AKR1C3: variants seen among roughly 807,000 people sequenced by gnomAD.
AKR1C3 encodes 3-alpha hydroxysteroid dehydrogenase, type II.
Under a neutral mutation model 43.6 loss-of-function variants are expected in AKR1C3, and 48 were observed. The observed-to-expected ratio is 1.10, with a 90% CI of 0.87 to 1.40. The LOEUF (loss-of-function observed/expected upper bound fraction) is 1.40, where lower values mean the gene tolerates loss of function less well. Among genes scored for constraint, AKR1C3 ranks in the 40% most tolerant of loss-of-function variants. The probability of loss-of-function intolerance (pLI) is 0.00; values close to 1 mark genes in which losing one functional copy is unlikely to be tolerated. For missense variants in AKR1C3, 482 were observed against 391.2 expected (o/e 1.23, Z -1.96); for synonymous variants, 162 against 139.6 (o/e 1.16, Z -1.13).
intron 1 of AKR1C3, among the ~76,000 whole-genome samples, chr10:5,079,511 C>T (rs554796930): frequency 2.0e-5 from 3 of 150,660 alleles, no homozygotes; most frequent in Middle Eastern, 3.4e-3. Flanking sequence ...ACCTTATCTG[C>T]CTAATTGGAT....
intron 1 of AKR1C3, among the ~76,000 whole-genome samples, chr10:5,061,933 T>C (rs1215073723): frequency 1.3e-5 from 2 of 152,188 alleles, no homozygotes; most frequent in Non-Finnish European, 2.9e-5. Context: ...ATACATCTAA[T>C]AAAGCAAACT....
chr10:5,101,308 A>G (rs1219972572), intron 5 of AKR1C3, among the ~76,000 whole-genome samples: 1 of 152,188 alleles, frequency 6.6e-6, no homozygotes, highest in East Asian at 1.9e-4. Flanking sequence ...ATACTTTTGT[A>G]TTTAATGGTT....
In AKR1C3 at chr10:5,094,451, T is replaced by C; in HGVS notation, c.7T>C (p.Ser3Pro). 1 of 1,612,280 alleles carries C rather than the reference T, an allele frequency of 6.2e-7. No individual in the cohort carries two copies. The highest frequency in any genetic ancestry group is 8.5e-7 in the Non-Finnish European group (1 of 1,178,644). ...GTCAGACAAGTGACAGGGAATGGAT[T>C]CCAAACACCAGTGTGTAAAGCTAAA... MD[S>P]KHQCVKLNDG... Residue 3 changes from serine to proline, a missense_variant, in exon 1 of 9, where the codon TCC (serine) becomes CCC (proline). Transcript: ENST00000380554.
intron 1 of AKR1C3, among the ~76,000 whole-genome samples, chr10:5,077,467 T>G (rs1045031785): frequency 6.6e-5 from 10 of 152,178 alleles, no homozygotes; most frequent in African/African-American, 2.2e-4. Flanking sequence ...CAATTCCCAT[T>G]TCTTCTTGAC....
chr10:5,090,007 G>A (rs1839051501), upstream of AKR1C3, among the ~76,000 whole-genome samples: 1 of 152,130 alleles, frequency 6.6e-6, no homozygotes, highest in East Asian at 1.9e-4. Flanking sequence ...CACTTGTGTT[G>A]GTAGGTTTTT....
At chr10:5,051,430 G>A in intron 1 of AKR1C3, among the ~76,000 whole-genome samples, 1 of 152,132 alleles carries the variant, frequency 6.6e-6, no homozygotes, top group Non-Finnish European at 1.5e-5. Flanking sequence ...TTCCAGGCAG[G>A]GGAGTAGAAT....
chr10:5,106,098 G>C (rs1322079362), intron 8 of AKR1C3, among the ~76,000 whole-genome samples: 2 of 152,088 alleles, frequency 1.3e-5, no homozygotes, highest in Non-Finnish European at 2.9e-5. Flanking sequence ...TGTGGTCCAG[G>C]TGCCAATTCC....
intron 1 of AKR1C3, 119 bp downstream of exon 1, chr10:5,094,647 G>A: frequency 4.4e-6 from 5 of 1,123,602 alleles, no homozygotes; most frequent in Admixed American, 2.0e-5. Flanking sequence ...ACTGGTCTAG[G>A]TTTCCTAGGC....
rs191939924 is a variant in AKR1C3, at chr10:5,075,915, C to T, written c.85-20495C>T. 1.0e-4 allele frequency among the ~76,000 whole-genome samples: 15 copies of T among 150,642 alleles called. No individual in the cohort carries two copies. The East Asian group carries it at 1.6e-3, about 16-fold the overall frequency. On this transcript the variant is annotated intron_variant, in intron 1 of 8. Transcript: ENST00000439082. The stretch of plus-strand genomic sequence containing the variant: ...AAGGAATATGGGAGTCACGGGGGCT[C>T]GGATGTATTACTAGGGGGGCTCTAG...
At chr10:5,062,340 G>T (rs1838398339) in intron 1 of AKR1C3, among the ~76,000 whole-genome samples, 1 of 152,152 alleles carries the variant, frequency 6.6e-6, no homozygotes, top group African/African-American at 2.4e-5. Flanking sequence ...ACTTTGGAGT[G>T]CCCTAGGCCA....
intron 1 of AKR1C3, among the ~76,000 whole-genome samples, chr10:5,087,798 C>G (rs955411050): frequency 4.0e-5 from 6 of 151,436 alleles, no homozygotes; most frequent in African/African-American, 7.3e-5. Flanking sequence ...TCCTTTATAC[C>G]TATTTTTTTT....
intron 1 of AKR1C3, chr10:5,049,028 C>A: frequency 1.5e-6 from 1 of 685,858 alleles, no homozygotes; most frequent in Non-Finnish European, 2.6e-6. Context: ...TAGGTTAAAG[C>A]TATACTGTAT....
At chr10:5,062,675 C>T (rs1838403347) in intron 1 of AKR1C3, among the ~76,000 whole-genome samples, 1 of 152,076 alleles carries the variant, frequency 6.6e-6, no homozygotes, top group African/African-American at 2.4e-5. Context: ...TCAAAACTTA[C>T]AGGTCAAGTG....
intron 1 of AKR1C3, chr10:5,096,159 C>A: frequency 2.8e-6 from 1 of 359,392 alleles, no homozygotes; most frequent in African/African-American, 2.1e-5. Context: ...TCCAACAAAT[C>A]ACTGAATCTG....
intron 1 of AKR1C3, among the ~76,000 whole-genome samples, chr10:5,058,200 G>A (rs1359208866): frequency 7.9e-5 from 12 of 152,178 alleles, no homozygotes; most frequent in African/African-American, 2.9e-4. Context: ...GAGGTAAGCT[G>A]AGAGGTCCTC....
intron 5 of AKR1C3, 108 bp downstream of exon 5, chr10:5,099,557 T>C: frequency 6.5e-7 from 1 of 1,549,826 alleles, no homozygotes; most frequent in Non-Finnish European, 8.8e-7. Flanking sequence ...AAGTAGAAGA[T>C]TATCTAGAGA....
At chr10:5,053,311 G>A (rs554225885) in intron 1 of AKR1C3, among the ~76,000 whole-genome samples, 13 of 152,350 alleles carry the variant, frequency 8.5e-5, no homozygotes, top group South Asian at 2.1e-4. Context: ...GCTAAGGTCC[G>A]GTGAGAAATT....
chr10:5,103,208 G>T (rs1199276575), intron 7 of AKR1C3, among the ~76,000 whole-genome samples: 1 of 152,174 alleles, frequency 6.6e-6, no homozygotes, highest in Non-Finnish European at 1.5e-5. Flanking sequence ...CTTCAGAAAT[G>T]TGGAGTAGCA....
chr10:5,107,596 C>A lies in AKR1C3; in HGVS notation c.*93C>A. ...ATGCCGGTGACTGGACATATCACCT[C>A]TACTTAAATCCGTCCTGTTTAGCGA... On this transcript the variant is annotated 3_prime_UTR_variant, in exon 9 of 9. Coordinates refer to ENST00000380554, the MANE Select transcript of AKR1C3 (RefSeq NM_003739.6). 4 of 989,278 alleles carry A rather than the reference C, an allele frequency of 4.0e-6. No individual in the cohort carries two copies. Among genetic ancestry groups the A allele is most frequent in the Non-Finnish European group, 6.2e-6 (4 of 642,218 alleles). 61.3% of individuals were successfully genotyped at this position (989,278 alleles called of 1,614,324 possible).
Sources: gnomAD v4.1 joint callset for allele counts (sites outside exome capture counted in the v4.1 genomes callset) on GRCh38, gnomAD v4.1.1 for gene constraint, MANE v1.5 for transcripts, NCBI Gene and HGNC (gene_info 2026-07-23, HGNC 2026-07-21) for gene names.